ADAM18: variants seen among roughly 807,000 people sequenced by gnomAD.
ADAM18 encodes ADAM metallopeptidase domain 18.
A neutral mutation model predicts 94.4 loss-of-function variants in ADAM18; 117 were observed. The observed-to-expected ratio is 1.24, with a 90% CI of 1.07 to 1.45. The LOEUF (loss-of-function observed/expected upper bound fraction) is 1.45, where lower values mean the gene tolerates loss of function less well. Among genes scored for constraint, ADAM18 ranks in the 40% most tolerant of loss-of-function variants. The pLI, the probability that ADAM18 is intolerant of heterozygous loss-of-function variation, is 0.00. For missense variants in ADAM18, 936 were observed against 880.0 expected (o/e 1.06, Z -0.81); for synonymous variants, 327 against 291.6 (o/e 1.12, Z -1.24).
chr8:39,604,940 T>C (rs1308494550), intron 2 of ADAM18, among the ~76,000 whole-genome samples: 1 of 152,196 alleles, frequency 6.6e-6, no homozygotes, highest in African/African-American at 2.4e-5. Flanking sequence ...TATTGTGGAC[T>C]TGCCATTGGA....
chr8:39,673,114 C>T (rs1821202884), intron 14 of ADAM18, among the ~76,000 whole-genome samples: 1 of 152,110 alleles, frequency 6.6e-6, no homozygotes, highest in South Asian at 2.1e-4. Context: ...GGGTGGTTGG[C>T]TATATATTAC....
intron 14 of ADAM18, among the ~76,000 whole-genome samples, chr8:39,676,320 A>T (rs1483837232): frequency 1.3e-5 from 2 of 152,094 alleles, no homozygotes; most frequent in East Asian, 3.9e-4. Flanking sequence ...GGCTTCCTGG[A>T]CACTTTGTTT....
rs191917573 is a variant in ADAM18, at chr8:39,664,127, G to A, written c.1326+237G>A. Among the ~76,000 whole-genome samples the A allele has an allele frequency of 6.1e-4, 93 of 152,278 alleles. No individual in the cohort carries two copies. In the Middle Eastern group the frequency reaches 0.01, roughly 17 times the overall value. Reference sequence around the variant, plus strand: ...CTCCACATACTGAACCACTTAATACGTGCAAACATGAATTAGGTGCATTAG... The same window carrying A: ...CTCCACATACTGAACCACTTAATACATGCAAACATGAATTAGGTGCATTAG... On this transcript the variant is annotated intron_variant, in intron 13 of 19. Transcript: ENST00000265707.
intron 14 of ADAM18, among the ~76,000 whole-genome samples, chr8:39,669,322 T>C (rs1821086443): frequency 6.6e-6 from 1 of 151,220 alleles, no homozygotes; most frequent in African/African-American, 2.4e-5. Context: ...TTAAATTTTA[T>C]TATTATTATA....
chr8:39,635,006 C>A (rs1820040439), intron 7 of ADAM18, among the ~76,000 whole-genome samples: 1 of 152,020 alleles, frequency 6.6e-6, no homozygotes, highest in Non-Finnish European at 1.5e-5. Flanking sequence ...GGAATGGGAC[C>A]ATTTAGAGGT....
In ADAM18 at chr8:39,680,147, T is replaced by C; in HGVS notation, c.1742T>C (p.Ile581Thr). Residue 581 changes from isoleucine to threonine, a missense_variant, in exon 16 of 20, where the codon ATA becomes ACA. Ile to Thr is a moderately conservative substitution (Grantham distance 89). Transcript: ENST00000265707. ...SYIQDHVCVS[I>T]ATGSSMRSDG... is the part of the protein sequence containing the mutation. The stretch of plus-strand genomic sequence containing the variant: ...ATTCAAGACCATGTATGTGTATCTA[T>C]AGCCACTGGTTCCTCCATGAGATCA... The C allele has an allele frequency of 6.2e-7, 1 of 1,613,860 alleles. No homozygotes were observed.
At chr8:39,722,211 GTGTGTGTATATATATATATATA>G (rs1399471877) in intron 18 of ADAM18, among the ~76,000 whole-genome samples, 5 of 71,192 alleles carry the variant, frequency 7.0e-5, no homozygotes, top group Admixed American at 6.7e-4. Context: ...GTGTGTGTGT[GTGTGTGTATATATATATATATA>G]TATATATATA....
intron 14 of ADAM18, among the ~76,000 whole-genome samples, chr8:39,672,236 A>G (rs905955591): frequency 6.6e-6 from 1 of 152,204 alleles, no homozygotes; most frequent in Non-Finnish European, 1.5e-5. Flanking sequence ...GGCCATAAGG[A>G]ATGTGCTAGA....
intron 12 of ADAM18, among the ~76,000 whole-genome samples, chr8:39,650,462 A>G (rs559677530): frequency 6.6e-6 from 1 of 152,222 alleles, no homozygotes; most frequent in Non-Finnish European, 1.5e-5. Context: ...TACAAAATCA[A>G]TATACAAAAA....
intron 12 of ADAM18, among the ~76,000 whole-genome samples, chr8:39,663,503 G>A (rs1006803670): frequency 6.7e-6 from 1 of 148,990 alleles, no homozygotes; most frequent in Non-Finnish European, 1.5e-5. Context: ...GGAGGCTGGG[G>A]TGGGAGGATC....
chr8:39,682,990 A>G (rs1002212371), intron 16 of ADAM18, among the ~76,000 whole-genome samples: 1 of 152,204 alleles, frequency 6.6e-6, no homozygotes, highest in Non-Finnish European at 1.5e-5. Flanking sequence ...TTTATAATAC[A>G]CATTCCCTAC....
intron 7 of ADAM18, among the ~76,000 whole-genome samples, chr8:39,637,018 T>TA (rs1820091608): frequency 7.7e-5 from 1 of 13,054 alleles, no homozygotes; most frequent in African/African-American, 2.5e-4. Context: ...ATGTGTGTAT[T>TA]TTATATATAT....
intron 19 of ADAM18, among the ~76,000 whole-genome samples, chr8:39,725,370 C>T (rs1822874095): frequency 6.6e-6 from 1 of 152,002 alleles, no homozygotes; most frequent in African/African-American, 2.4e-5. Flanking sequence ...TAGATCTACC[C>T]TCTTAGCAAA....
chr8:39,668,137 A>G lies in ADAM18; in HGVS notation c.1466A>G (p.Tyr489Cys), dbSNP rs142229705. Residue 489 changes from tyrosine to cysteine, a missense_variant, in exon 14 of 20, where the codon TAT becomes TGT. Transcript: ENST00000265707. ...CGTTTGTGCAAGTTGGGAACTGCCT[A>G]TTGCTATAACGGACAATGTCAAACT... Reference protein sequence around the residue: ...NGRLCKLGTAYCYNGQCQTTD... With the variant: ...NGRLCKLGTACCYNGQCQTTD... 52 of 1,614,042 alleles carry G rather than the reference A, an allele frequency of 3.2e-5. No individual in the cohort carries two copies. In the East Asian group the frequency reaches 1.1e-3, roughly 33 times the overall value.
chr8:39,649,171 C>G (rs1424107809), intron 12 of ADAM18, among the ~76,000 whole-genome samples: 4 of 152,070 alleles, frequency 2.6e-5, no homozygotes, highest in African/African-American at 4.8e-5. Flanking sequence ...TATCCCCCAA[C>G]AGTTACACGA....
chr8:39,656,630 A>G (rs1820690846), intron 12 of ADAM18, among the ~76,000 whole-genome samples: 1 of 152,180 alleles, frequency 6.6e-6, no homozygotes, highest in Non-Finnish European at 1.5e-5. Context: ...CAGATAAGAG[A>G]TTTAAAGGGT....
At chr8:39,618,174 G>A (rs983566153) in intron 6 of ADAM18, among the ~76,000 whole-genome samples, 5 of 152,262 alleles carry the variant, frequency 3.3e-5, no homozygotes, top group African/African-American at 7.2e-5. Flanking sequence ...GCAATGCAAC[G>A]AGGCTCTCTC....
intron 17 of ADAM18, among the ~76,000 whole-genome samples, chr8:39,704,650 A>G (rs1202937204): frequency 1.3e-5 from 2 of 151,882 alleles, no homozygotes; most frequent in Non-Finnish European, 2.9e-5. Context: ...ATTTTTCCTT[A>G]TTTGTCTATT....
At chr8:39,726,025 CT>C (rs898272424) in intron 19 of ADAM18, among the ~76,000 whole-genome samples, 1 of 151,898 alleles carries the variant, frequency 6.6e-6, no homozygotes, top group Non-Finnish European at 1.5e-5. Flanking sequence ...TCTCTTTTCC[CT>C]TTTTTCAATA....
Sources: allele counts gnomAD v4.1 joint callset (sites outside exome capture counted in the v4.1 genomes callset), GRCh38; gene constraint gnomAD v4.1.1; transcripts MANE v1.5; gene names NCBI Gene and HGNC (gene_info 2026-07-23, HGNC 2026-07-21).